PAX7: variants seen among roughly 807,000 people sequenced by gnomAD.
PAX7 encodes the protein paired box protein Pax-7.
A neutral mutation model predicts 50.7 loss-of-function variants in PAX7; 18 were observed. That is an observed-to-expected ratio of 0.36 (90% CI 0.25 to 0.53). The LOEUF (loss-of-function observed/expected upper bound fraction) is 0.53, where lower values mean the gene tolerates loss of function less well. Ranked by LOEUF, PAX7 falls within the 20% of genes least tolerant of loss-of-function variation. PAX7 has a pLI of 0.93. For missense variants in PAX7, 644 were observed against 702.9 expected (o/e 0.92, Z 0.95); for synonymous variants, 310 against 290.4 (o/e 1.07, Z -0.69).
Position 18,735,831 on chromosome 1 carries a change from A to G in PAX7, c.1355A>G (p.Tyr452Cys), listed in dbSNP as rs1299738302. Residue 452 changes from tyrosine to cysteine, a missense_variant, in exon 8 of 9, where the codon TAC becomes TGC. Transcript: ENST00000420770. The surrounding 1 kb of genome is among the most constrained non-coding windows in gnomAD (Gnocchi z 4.0). ...CCACCCACCTACAGCACCACCGGCT[A>G]CAGCGTGGACCCCGTGGCCGGCTAT... ...YCPPTYSTTG[Y>C]SVDPVAGYQY... The G allele has an allele frequency of 6.2e-7, 1 of 1,614,144 alleles. No homozygotes were observed. Among genetic ancestry groups the G allele is most frequent in the Non-Finnish European group, 8.5e-7 (1 of 1,180,022 alleles).
intron 7 of PAX7, among the ~76,000 whole-genome samples, chr1:18,710,703 T>C (rs1348230761): frequency 6.6e-6 from 1 of 152,090 alleles, no homozygotes; most frequent in African/African-American, 2.4e-5. Context: ...AAAAATGAAT[T>C]TGAATGCTGC....
chr1:18,692,063 G>T (rs1012841784), intron 5 of PAX7, 110 bp downstream of exon 5: 1 of 938,576 alleles, frequency 1.1e-6, no homozygotes, highest in Non-Finnish European at 1.6e-6. Context: ...GTTTACAACA[G>T]GTTCAGGGGG....
At chr1:18,704,584 C>T (rs1156364590) in intron 7 of PAX7, among the ~76,000 whole-genome samples, 3 of 152,040 alleles carry the variant, frequency 2.0e-5, no homozygotes, top group Non-Finnish European at 4.4e-5. Flanking sequence ...TGCACCATTG[C>T]ACTCCAGCCT....
At chr1:18,715,863 C>T (rs1002754382) in intron 7 of PAX7, among the ~76,000 whole-genome samples, 5 of 152,108 alleles carry the variant, frequency 3.3e-5, no homozygotes, top group South Asian at 2.1e-4. Flanking sequence ...AGTGAGTTAG[C>T]GCAGGGCCGG....
chr1:18,739,567 A>T (rs1931009666), intron 8 of PAX7, among the ~76,000 whole-genome samples: 1 of 152,216 alleles, frequency 6.6e-6, no homozygotes, highest in African/African-American at 2.4e-5. Context: ...GGGATCCCAG[A>T]GAGGCTGTTT....
At position 18,634,312 on chromosome 1, in the gene PAX7, C is replaced by A. The variant is rs145325556; in HGVS notation, c.95C>A (p.Pro32Gln). The change falls in exon 2 of 9, where the codon CCG becomes CAG. Residue 32 changes from proline to glutamine, a missense_variant. Physicochemically the swap from Pro to Gln is moderately conservative, Grantham distance 76. Transcript: ENST00000420770. This position sits in a 1 kb window ranked among gnomAD's most constrained non-coding sequence, Gnocchi z 4.0. ...RTGFPLEVST[P>Q]LGQGRVNQLG... ...CCCCTCCCTTCTCCAGTGTCCACCC[C>A]GCTTGGCCAAGGCCGGGTCAATCAG... is the stretch of plus-strand genomic sequence containing the variant. The A allele has an allele frequency of 1.9e-6, 3 of 1,613,688 alleles. No individual in the cohort carries two copies. The highest frequency in any genetic ancestry group is 1.1e-5 in the South Asian group (1 of 90,978).
chr1:18,723,598 G>A (rs1339487646), intron 7 of PAX7, among the ~76,000 whole-genome samples: 1 of 152,256 alleles, frequency 6.6e-6, no homozygotes, highest in African/African-American at 2.4e-5. Context: ...ACGTGTCCAG[G>A]ACAGAGGTTG....
intron 7 of PAX7, among the ~76,000 whole-genome samples, chr1:18,734,724 C>T (rs1039555617): frequency 1.3e-5 from 2 of 152,138 alleles, no homozygotes; most frequent in African/African-American, 2.4e-5. Context: ...TTCCCTCACC[C>T]GACCCAGACC....
In PAX7 at chr1:18,634,655, T is replaced by C; in HGVS notation, c.321+117T>C. ...TGTAGGAAAGTACAGCTGGAGGGTGTCTTCTACTCCCAGATGTCCTCCCAT... is the reference window on the plus strand; with the variant it reads ...TGTAGGAAAGTACAGCTGGAGGGTGCCTTCTACTCCCAGATGTCCTCCCAT... On this transcript the variant is annotated intron_variant, in intron 2 of 8. Transcript: ENST00000420770. The surrounding 1 kb of genome is among the most constrained non-coding windows in gnomAD (Gnocchi z 4.0). 4.1e-6 allele frequency: 3 copies of C among 740,456 alleles called. No homozygotes were observed. The highest frequency in any genetic ancestry group is 6.7e-6 in the Non-Finnish European group (3 of 450,606). The allele number at this position is 740,456 out of a possible 1,614,324, so 45.9% of individuals were successfully genotyped here.
In PAX7 at chr1:18,726,627, A is replaced by G. The variant is rs1200422628; in HGVS notation, c.1156-9005A>G. 6.6e-6 allele frequency among the ~76,000 whole-genome samples: 1 copy of G among 152,142 alleles called. No homozygotes were observed. Among genetic ancestry groups the G allele is most frequent in the Non-Finnish European group, 1.5e-5 (1 of 68,036 alleles). ...AGGGTTGGGCCTTAGTGGGACTGAAAGTTTCCACGGGGTAAGGCTTGAACA... is the reference window on the plus strand; with the variant it reads ...AGGGTTGGGCCTTAGTGGGACTGAAGGTTTCCACGGGGTAAGGCTTGAACA... On this transcript the variant is annotated intron_variant, in intron 7 of 8. Coordinates refer to ENST00000420770, the MANE Select transcript of PAX7 (RefSeq NM_001135254.2). The surrounding 1 kb of genome is among the most constrained non-coding windows in gnomAD (Gnocchi z 4.8).
chr1:18,656,268 T>C (rs1478279099), intron 4 of PAX7, among the ~76,000 whole-genome samples: 2 of 151,144 alleles, frequency 1.3e-5, no homozygotes, highest in African/African-American at 4.9e-5. Flanking sequence ...CCGAGGCAGG[T>C]GGATCACTTG....
At position 18,700,543 on chromosome 1, in the gene PAX7, T is replaced by A. The variant is rs868289035; in HGVS notation, c.787-110T>A. On this transcript the variant is annotated intron_variant, in intron 5 of 8. Transcript: ENST00000420770. The surrounding 1 kb of genome is among the most constrained non-coding windows in gnomAD (Gnocchi z 4.8). The stretch of plus-strand genomic sequence containing the variant: ...CACAATGCCGGGGCCTGCAGGAGGA[T>A]GCTGGCTGGATCAGAGGGTGATGGC... 13 of 1,001,404 alleles carry A rather than the reference T, an allele frequency of 1.3e-5. No homozygotes were observed. Among genetic ancestry groups the A allele is most frequent in the South Asian group, 1.9e-5 (1 of 53,918 alleles). 62.0% of individuals were successfully genotyped at this position (1,001,404 alleles called of 1,614,324 possible).
At chr1:18,722,987 A>G (rs2089513299) in intron 7 of PAX7, among the ~76,000 whole-genome samples, 1 of 152,126 alleles carries the variant, frequency 6.6e-6, no homozygotes, top group Non-Finnish European at 1.5e-5. Flanking sequence ...TAAGAACTGC[A>G]CATTCAGGCA....
At chr1:18,642,945 G>A (rs1387234190) in intron 4 of PAX7, among the ~76,000 whole-genome samples, 1 of 151,780 alleles carries the variant, frequency 6.6e-6, no homozygotes, top group African/African-American at 2.4e-5. Flanking sequence ...AGGAAGAGAC[G>A]GGGTCGAGGG....
chr1:18,739,866 G>C (rs1225759418), intron 8 of PAX7, among the ~76,000 whole-genome samples: 3 of 152,224 alleles, frequency 2.0e-5, no homozygotes, highest in African/African-American at 7.2e-5. Flanking sequence ...TACGGCCCTG[G>C]TGTTCCCAGA....
chr1:18,671,186 G>A (rs550732587), intron 4 of PAX7, among the ~76,000 whole-genome samples: 7 of 152,290 alleles, frequency 4.6e-5, no homozygotes, highest in Admixed American at 2.0e-4. Context: ...AAGGCAATTC[G>A]GGAGAGGACT....
intron 8 of PAX7, among the ~76,000 whole-genome samples, chr1:18,738,324 G>A (rs552076809): frequency 1.1e-4 from 17 of 152,166 alleles, no homozygotes; most frequent in Non-Finnish European, 2.1e-4. Flanking sequence ...TGACCCCAGC[G>A]GCAGCGGCAG....
intron 8 of PAX7, among the ~76,000 whole-genome samples, chr1:18,743,690 T>C (rs1458662617): frequency 1.3e-5 from 2 of 152,204 alleles, no homozygotes; most frequent in Non-Finnish European, 2.9e-5. Flanking sequence ...CTGATTTCTT[T>C]TGTAGCCTCA....
chr1:18,703,150 G>A lies in PAX7; in HGVS notation c.1009G>A (p.Gly337Ser), dbSNP rs746156743. 3.1e-6 allele frequency: 5 copies of A among 1,613,788 alleles called. No individual in the cohort carries two copies. Among genetic ancestry groups the A allele is most frequent in the Non-Finnish European group, 3.4e-6 (4 of 1,179,978 alleles). The change falls in exon 7 of 9, where the codon GGC becomes AGC. Residue 337 changes from glycine (G) to serine (S), a missense_variant. By Grantham distance (56) the Gly-to-Ser change is moderately conservative. Coordinates refer to ENST00000420770, the MANE Select transcript of PAX7 (RefSeq NM_001135254.2). ...QPLPPSTMHQ[G>S]GLAAAAAAAD... ...CCTGCCACCGTCCACCATGCACCAG[G>A]GCGGGCTGGCTGCAGCGGCTGCAGC...
Sources: gnomAD v4.1 joint callset for allele counts (sites outside exome capture counted in the v4.1 genomes callset) on GRCh38, gnomAD v4.1.1 for gene constraint, Gnocchi (gnomAD v3.1) non-coding constraint, MANE v1.5 for transcripts, NCBI Gene and HGNC (gene_info 2026-07-23, HGNC 2026-07-21) for gene names.